FBH1: variants seen among roughly 807,000 people sequenced by gnomAD.
FBH1 encodes DNA 3'-5' helicase 1.
A neutral mutation model predicts 115.5 loss-of-function variants in FBH1; 43 were observed. That is an observed-to-expected ratio of 0.37 (90% CI 0.29 to 0.48). FBH1 has a LOEUF of 0.48. FBH1 is among the 20% of genes least tolerant of loss of function. The pLI, the probability that FBH1 is intolerant of heterozygous loss-of-function variation, is 0.99. For synonymous variants in FBH1, 524 were observed against 507.8 expected (o/e 1.03, Z -0.43); for missense variants, 1,001 against 1,337.3 (o/e 0.75, Z 3.92).
rs1435960697 is a variant in FBH1, at chr10:5,921,213, C to CA, written c.2101-44dup. On this transcript the variant is annotated intron_variant, in intron 13 of 20. Coordinates refer to ENST00000362091, the MANE Select transcript of FBH1 (RefSeq NM_178150.3). The surrounding 1 kb of genome is among the most constrained non-coding windows in gnomAD (Gnocchi z 6.4). The stretch of plus-strand genomic sequence containing the variant: ...CAGCAGTGATGGAAATGCACGGACA[C>CA]ACCACAGGGCGGGCTGCTGACTCCC... 1.9e-6 allele frequency: 3 copies of CA among 1,580,780 alleles called. No homozygotes were observed. In the African/African-American group the frequency reaches 4.0e-5, roughly 21 times the overall value.
chr10:5,920,975 C>T (rs768459393), intron 13 of FBH1, among the ~76,000 whole-genome samples: 25 of 152,254 alleles, frequency 1.6e-4, no homozygotes, highest in Admixed American at 1.3e-3. Context: ...CCTCCTTACC[C>T]GATCTTCATC....
Position 5,936,460 on chromosome 10 carries a change from A to G in FBH1, c.2834A>G (p.Tyr945Cys). 6.2e-7 allele frequency: 1 copy of G among 1,613,624 alleles called. No homozygotes were observed. The highest frequency in any genetic ancestry group is 8.5e-7 in the Non-Finnish European group (1 of 1,179,808). The change falls in exon 20 of 21, where the codon TAC (tyrosine) becomes TGC (cysteine). Residue 945 changes from tyrosine to cysteine, a missense_variant. Physicochemically the swap from Tyr to Cys is radical, Grantham distance 194. Coordinates refer to ENST00000362091, the MANE Select transcript of FBH1 (RefSeq NM_178150.3). This position sits in a 1 kb window ranked among gnomAD's most constrained non-coding sequence, Gnocchi z 5.6. ...LENILTLAGE[Y>C]FLQAELTSNV... ...TTCTCGCTCTTTCTTTCTCAGGAGTACTTCTTGCAAGCAGAGCTGACAAGC... is the reference window on the plus strand; with the variant it reads ...TTCTCGCTCTTTCTTTCTCAGGAGTGCTTCTTGCAAGCAGAGCTGACAAGC...
At position 5,937,210 on chromosome 10, in the gene FBH1, G is replaced by A. The variant is rs754102686; in HGVS notation, c.3062G>A (p.Arg1021His). ...CTGACAGCCTCCCCGGAGCAGGTGC[G>A]CGCCATGGAGCGCACTGTGGAGAAC... Reference protein sequence around the residue: ...AFLTASPEQVRAMERTVENIV... With the variant: ...AFLTASPEQVHAMERTVENIV... The change falls in exon 21 of 21, where the codon CGC (arginine) becomes CAC (histidine). Residue 1021 changes from arginine (R) to histidine (H), a missense_variant. Physicochemically the swap from Arg to His is conservative, Grantham distance 29. Transcript: ENST00000362091. 39 of 1,613,774 alleles carry A rather than the reference G, an allele frequency of 2.4e-5. No individual in the cohort carries two copies. Among genetic ancestry groups the A allele is most frequent in the African/African-American group, 5.3e-5 (4 of 74,940 alleles).
chr10:5,901,155 T>C lies in FBH1; in HGVS notation c.2-1865T>C, dbSNP rs370275123. 2.6e-5 allele frequency among the ~76,000 whole-genome samples: 4 copies of C among 152,176 alleles called. No homozygotes were observed. The East Asian group carries it at 7.7e-4, about 29-fold the overall frequency. ...AGTGAGATTCTGGCATTTGATACCATAGTTTAGTGGTGGAGTATTCTTTAT... is the reference window on the plus strand; with the variant it reads ...AGTGAGATTCTGGCATTTGATACCACAGTTTAGTGGTGGAGTATTCTTTAT... On this transcript the variant is annotated intron_variant, in intron 1 of 20. Transcript: ENST00000362091.
In FBH1 at chr10:5,925,423, GT is replaced by G; in HGVS notation, c.2657del (p.Leu886TrpfsTer5). On this transcript the variant is annotated frameshift_variant, in exon 18 of 21. Transcript: ENST00000362091. LOFTEE classifies it high-confidence loss of function. The surrounding 1 kb of genome is among the most constrained non-coding windows in gnomAD (Gnocchi z 4.6). ...AKGLEFDTVH[V>X]LDDFVKVPCA... ...AGGCCTGGAGTTTGACACTGTGCATGTTTTGGATGATTTTGTGAAAGTGCCT... is the reference window on the plus strand; with the variant it reads ...AGGCCTGGAGTTTGACACTGTGCATGTTTGGATGATTTTGTGAAAGTGCCT... 6.2e-7 allele frequency: 1 copy of G among 1,614,232 alleles called. No individual in the cohort carries two copies. Among genetic ancestry groups the G allele is most frequent in the Non-Finnish European group, 8.5e-7 (1 of 1,180,050 alleles).
In FBH1 at chr10:5,933,155, A is replaced by G. The variant is rs947624137; in HGVS notation, c.2830-3301A>G. On this transcript the variant is annotated intron_variant, in intron 19 of 20. Transcript: ENST00000362091. The surrounding 1 kb of genome is among the most constrained non-coding windows in gnomAD (Gnocchi z 4.9). ...GTAATCCCAGTACTTTGGGAGGCCT[A>G]GGAGGGCGGATCACTTGATGTCAGG... Among the ~76,000 whole-genome samples, 8 of 152,244 alleles carry G rather than the reference A, an allele frequency of 5.3e-5. No individual in the cohort carries two copies. The highest frequency in any genetic ancestry group is 3.4e-3 in the Middle Eastern group (1 of 294).
intron 15 of FBH1, among the ~76,000 whole-genome samples, chr10:5,922,673 G>A (rs1244866798): frequency 1.3e-5 from 2 of 152,164 alleles, no homozygotes; most frequent in African/African-American, 4.8e-5. Context: ...AGTGTTTTAT[G>A]TGTCCCTCCC....
rs1832503693 is a variant in FBH1, at chr10:5,924,345, A to G, written c.2433A>G (p.Arg811=). Residue 811 remains arginine, a synonymous_variant, in exon 17 of 21, where the codon AGA becomes AGG. Transcript: ENST00000362091. This position sits in a 1 kb window ranked among gnomAD's most constrained non-coding sequence, Gnocchi z 6.2. Reference sequence around the variant, plus strand: ...TCATTAAAGACAAATTTATCAGAAGATGGGTGCACAAAGAAGGCTTTAGTG... The same window carrying G: ...TCATTAAAGACAAATTTATCAGAAGGTGGGTGCACAAAGAAGGCTTTAGTG... ...NLVIKDKFIR[R]WVHKEGFSGF... 3.7e-6 allele frequency: 6 copies of G among 1,614,098 alleles called. No individual in the cohort carries two copies. Among genetic ancestry groups the G allele is most frequent in the Non-Finnish European group, 5.1e-6 (6 of 1,180,042 alleles).
At chr10:5,894,481 C>A in intron 1 of FBH1, 2 of 1,226,722 alleles carry the variant, frequency 1.6e-6, no homozygotes, top group Non-Finnish European at 2.4e-6. Context: ...TGTGTTGGCA[C>A]CATCACTCAT....
At chr10:5,904,155 C>T (rs1427305803) in intron 2 of FBH1, among the ~76,000 whole-genome samples, 2 of 152,026 alleles carry the variant, frequency 1.3e-5, no homozygotes, top group East Asian at 3.8e-4. Flanking sequence ...CTCAGCCTCC[C>T]AAGTAGCTGG....
chr10:5,899,650 C>T (rs1421550169), intron 1 of FBH1, among the ~76,000 whole-genome samples: 1 of 152,124 alleles, frequency 6.6e-6, no homozygotes, highest in East Asian at 1.9e-4. Flanking sequence ...TGCAGCTGCT[C>T]CTGCTGTTGA....
intron 19 of FBH1, chr10:5,934,857 T>A (rs771535853): frequency 3.3e-5 from 5 of 152,222 alleles, no homozygotes; most frequent in Non-Finnish European, 5.9e-5. Context: ...AATTTTTGTA[T>A]TTTTGGTAGA....
At position 5,915,854 on chromosome 10, in the gene FBH1, A is replaced by G. The variant is rs1831894862; in HGVS notation, c.1565+283A>G. 3 of 495,820 alleles carry G rather than the reference A, an allele frequency of 6.1e-6. No individual in the cohort carries two copies. The highest frequency in any genetic ancestry group is 1.1e-5 in the Non-Finnish European group (3 of 275,614). 30.7% of individuals were successfully genotyped at this position (495,820 alleles called of 1,614,324 possible). A position where few individuals can be genotyped will look rare whatever the true frequency, so the allele number is the denominator to read the frequency against. Reference sequence around the variant, plus strand: ...ACTTGCTTAAAGTTCAGAGTCTCACAAATCCTGATCAGTTGTAGGCTTTTC... The same window carrying G: ...ACTTGCTTAAAGTTCAGAGTCTCACGAATCCTGATCAGTTGTAGGCTTTTC... On this transcript the variant is annotated intron_variant, in intron 9 of 20. Coordinates refer to ENST00000362091, the MANE Select transcript of FBH1 (RefSeq NM_178150.3). This position sits in a 1 kb window ranked among gnomAD's most constrained non-coding sequence, Gnocchi z 5.2.
Position 5,918,423 on chromosome 10 carries a change from G to A in FBH1, c.2045G>A (p.Gly682Asp). Reference sequence around the variant, plus strand: ...CACCAGCAGATCTATACCTTCCGGGGTGCGGTCAACGCCCTGTTCACAGTG... The same window carrying A: ...CACCAGCAGATCTATACCTTCCGGGATGCGGTCAACGCCCTGTTCACAGTG... The part of the protein sequence containing the change: ...DPHQQIYTFR[G>D]AVNALFTVPH... The change falls in exon 13 of 21, where the codon GGT (glycine) becomes GAT (aspartate). Residue 682 changes from glycine (G) to aspartate (D), a missense_variant. Gly to Asp is a moderately conservative substitution (Grantham distance 94). This residue lies in a region of FBH1 where 521 missense variants were observed against 811.0 expected (regional missense o/e 0.64). Coordinates refer to ENST00000362091, the MANE Select transcript of FBH1 (RefSeq NM_178150.3). The surrounding 1 kb of genome is among the most constrained non-coding windows in gnomAD (Gnocchi z 4.0). The A allele has an allele frequency of 6.2e-7, 1 of 1,612,504 alleles. No homozygotes were observed. The highest frequency in any genetic ancestry group is 8.5e-7 in the Non-Finnish European group (1 of 1,179,606).
At position 5,914,810 on chromosome 10, in the gene FBH1, C is replaced by T. The variant is rs889852129; in HGVS notation, c.1396+541C>T. On this transcript the variant is annotated intron_variant, in intron 8 of 20. Coordinates refer to ENST00000362091, the MANE Select transcript of FBH1 (RefSeq NM_178150.3). This position sits in a 1 kb window ranked among gnomAD's most constrained non-coding sequence, Gnocchi z 5.2. ...TTGCTATTTTTTTTCTGCCTGTAAT[C>T]CCTTCCTGCTCCTTTTGTGGCTAAA... Among the ~76,000 whole-genome samples the T allele has an allele frequency of 1.3e-5, 2 of 152,168 alleles. No homozygotes were observed. Among genetic ancestry groups the T allele is most frequent in the African/African-American group, 4.8e-5 (2 of 41,438 alleles).
intron 1 of FBH1, among the ~76,000 whole-genome samples, chr10:5,901,755 G>C (rs1843361080): frequency 6.6e-6 from 1 of 151,376 alleles, no homozygotes; most frequent in Non-Finnish European, 1.5e-5. Context: ...AGTAGAGATG[G>C]GGTTTCACCA....
Position 5,915,856 on chromosome 10 carries a change from A to T in FBH1, c.1565+285A>T. On this transcript the variant is annotated intron_variant, in intron 9 of 20. Transcript: ENST00000362091. The surrounding 1 kb of genome is among the most constrained non-coding windows in gnomAD (Gnocchi z 5.2). ...TTGCTTAAAGTTCAGAGTCTCACAA[A>T]TCCTGATCAGTTGTAGGCTTTTCTT... is the stretch of plus-strand genomic sequence containing the variant. 1 of 490,570 alleles carries T rather than the reference A, an allele frequency of 2.0e-6. No individual in the cohort carries two copies. The highest frequency in any genetic ancestry group is 3.7e-6 in the Non-Finnish European group (1 of 272,276). 30.4% of individuals were successfully genotyped at this position (490,570 alleles called of 1,614,324 possible).
chr10:5,909,082 G>C lies in FBH1; in HGVS notation c.884+27G>C. ...TGAGCTTTGCCTGTGCTGTAAAGAA[G>C]GCGTCTTTGAAGTCTTCCTTGTACA... On this transcript the variant is annotated intron_variant, in intron 4 of 20. Coordinates refer to ENST00000362091, the MANE Select transcript of FBH1 (RefSeq NM_178150.3). The surrounding 1 kb of genome is among the most constrained non-coding windows in gnomAD (Gnocchi z 4.4). The C allele has an allele frequency of 6.2e-7, 1 of 1,613,964 alleles. No homozygotes were observed. Among genetic ancestry groups the C allele is most frequent in the Non-Finnish European group, 8.5e-7 (1 of 1,180,012 alleles).
In FBH1 at chr10:5,915,465, T is replaced by C. The variant is rs1342065424; in HGVS notation, c.1459T>C (p.Tyr487His). Reference sequence around the variant, plus strand: ...GAAGTGGTCTCAGAGCAGGTTTCTGTATGTGACATTCAACAAGAGCATCGC... The same window carrying C: ...GAAGTGGTCTCAGAGCAGGTTTCTGCATGTGACATTCAACAAGAGCATCGC... ...AEKWSQSRFLYVTFNKSIAKQ... is the reference protein window; with the variant it reads ...AEKWSQSRFLHVTFNKSIAKQ... Residue 487 changes from tyrosine to histidine, a missense_variant, in exon 9 of 21, where the codon TAT (tyrosine) becomes CAT (histidine). Physicochemically the swap from Tyr to His is moderately conservative, Grantham distance 83. Coordinates refer to ENST00000362091, the MANE Select transcript of FBH1 (RefSeq NM_178150.3). This position sits in a 1 kb window ranked among gnomAD's most constrained non-coding sequence, Gnocchi z 5.2. 1 of 1,614,108 alleles carries C rather than the reference T, an allele frequency of 6.2e-7. No homozygotes were observed. The highest frequency in any genetic ancestry group is 1.3e-5 in the African/African-American group (1 of 74,936).
Sources: gnomAD v4.1 joint callset for allele counts (sites outside exome capture counted in the v4.1 genomes callset) on GRCh38, gnomAD v4.1.1 for gene constraint, gnomAD v4.1.1 regional missense constraint, Gnocchi (gnomAD v3.1) non-coding constraint, MANE v1.5 for transcripts, NCBI Gene and HGNC (gene_info 2026-07-23, HGNC 2026-07-21) for gene names.